The following MTCL1 variants were observed in gnomAD, a reference collection of about 807,000 sequenced individuals.
MTCL1 encodes the protein microtubule cross-linking factor 1.
MTCL1 carries 79 observed loss-of-function variants against 141.4 expected under a neutral mutation model. That is an observed-to-expected ratio of 0.56 (90% CI 0.47 to 0.67). The LOEUF is 0.67. Ranked by LOEUF, MTCL1 falls within the 30% of genes least tolerant of loss-of-function variation. The probability of loss-of-function intolerance (pLI) is 0.00; values close to 1 mark genes in which losing one functional copy is unlikely to be tolerated. For synonymous variants in MTCL1, 914 were observed against 875.8 expected (o/e 1.04, Z -0.77); for missense variants, 2,177 against 2,113.9 (o/e 1.03, Z -0.59).
chr18:8,830,716 C>T lies in MTCL1; in HGVS notation c.*19-891C>T. 2 of 985,482 alleles carry T rather than the reference C, an allele frequency of 2.0e-6. No individual in the cohort carries two copies. The highest frequency in any genetic ancestry group is 2.4e-6 in the Non-Finnish European group (2 of 829,940). The allele number at this position is 985,482 out of a possible 1,614,324, so 61.0% of individuals were successfully genotyped here. ...TCTGAGTGTCATTCCAGCCAGCGGG[C>T]TCCATGCTGGGCAACTCAGTTTTCT... On this transcript the variant is annotated intron_variant, in intron 16 of 16. Transcript: ENST00000359865. The surrounding 1 kb of genome is among the most constrained non-coding windows in gnomAD (Gnocchi z 6.4).
chr18:8,744,213 T>G (rs2148921747), intron 4 of MTCL1, among the ~76,000 whole-genome samples: 1 of 152,370 alleles, frequency 6.6e-6, no homozygotes, highest in Non-Finnish European at 1.5e-5. Context: ...TTTCCGCCGC[T>G]AGCTAGGTGC....
intron 4 of MTCL1, among the ~76,000 whole-genome samples, chr18:8,763,544 A>G (rs567266871): frequency 1.1e-4 from 17 of 152,310 alleles, no homozygotes; most frequent in African/African-American, 3.6e-4. Flanking sequence ...CTAAACCCAA[A>G]GCTCTTGTAT....
rs114016604 is a variant in MTCL1 at position 8,824,678 on chromosome 18, C to T, written c.3189-21C>T. On this transcript the variant is annotated intron_variant, in intron 14 of 16. Transcript: ENST00000359865. ...GAGGCTCCCTGGCAGGTACTGACAC[C>T]CTCTTTTCTGCTTTTCCCAGGGCGG... 1,730 of 1,587,764 alleles carry T rather than the reference C, an allele frequency of 1.1e-3. 11 individuals are homozygous for T. In the African/African-American group the frequency reaches 0.02, roughly 18 times the overall value.
chr18:8,782,867 G>A (rs534978155), intron 5 of MTCL1: 1 of 152,464 alleles, frequency 6.6e-6, no homozygotes, highest in African/African-American at 2.4e-5. Context: ...CATACCTCAT[G>A]TTTTTGTCAT....
chr18:8,747,542 CTG>C (rs1440004484), intron 4 of MTCL1, among the ~76,000 whole-genome samples: 1 of 152,204 alleles, frequency 6.6e-6, no homozygotes, highest in African/African-American at 2.4e-5. Context: ...GCTGCCTTCT[CTG>C]TGTGTGTGTC....
chr18:8,786,122 G>T, intron 7 of MTCL1, 31 bp downstream of exon 6: 8 of 484,720 alleles, frequency 1.7e-5, no homozygotes, highest in Admixed American at 4.8e-5. Flanking sequence ...CCCCCCCCCC[G>T]CCCTCCCCCT....
At chr18:8,812,672 G>A (rs1018976100) in intron 11 of MTCL1, among the ~76,000 whole-genome samples, 8 of 152,150 alleles carry the variant, frequency 5.3e-5, no homozygotes, top group South Asian at 2.1e-4. Context: ...ATATAGGGAC[G>A]GACATGGTAC....
intron 3 of MTCL1, 109 bp from the exon 3 acceptor site, chr18:8,720,229 A>C: frequency 1.0e-6 from 1 of 981,208 alleles, no homozygotes; most frequent in East Asian, 2.4e-5. Flanking sequence ...GGTCTTTGCT[A>C]TGTGGTGTAA....
Position 8,776,202 on chromosome 18 carries a change from A to G in MTCL1, c.358-1631A>G, listed in dbSNP as rs374541509. Among the ~76,000 whole-genome samples the G allele has an allele frequency of 3.5e-4, 53 of 152,312 alleles. No individual in the cohort carries two copies. The East Asian group carries it at 9.3e-3, about 27-fold the overall frequency. The stretch of plus-strand genomic sequence containing the variant: ...GGGGAGGGAGGTGGGCGTTGGGGAC[A>G]GTCTCTTTCCTTTCGCAGGCTTGCC... On this transcript the variant is annotated intron_variant, in intron 4 of 16. Coordinates refer to ENST00000359865, the Ensembl canonical transcript of MTCL1.
At chr18:8,818,230 CA>C (rs2076724677) in intron 12 of MTCL1, among the ~76,000 whole-genome samples, 1 of 152,226 alleles carries the variant, frequency 6.6e-6, no homozygotes, top group African/African-American at 2.4e-5. Flanking sequence ...CAGCAAGCCA[CA>C]CGTTAATGGT....
chr18:8,705,706 A>G lies in MTCL1; in HGVS notation c.46A>G (p.Lys16Glu). ...CGCGGGCGGAGGTGCCCCGGACGCGAAGCTGCAGCCGCCCGGCCAGCACCA... is the reference window on the plus strand; with the variant it reads ...CGCGGGCGGAGGTGCCCCGGACGCGGAGCTGCAGCCGCCCGGCCAGCACCA... Residue 16 changes from lysine (K) to glutamate (E), a missense_variant, in exon 1 of 14, where the codon AAG (lysine) becomes GAG (glutamate). Coordinates refer to the MTCL1 transcript ENST00000306329. This position sits in a 1 kb window ranked among gnomAD's most constrained non-coding sequence, Gnocchi z 5.2. The G allele has an allele frequency of 8.3e-7, 1 of 1,202,310 alleles. No homozygotes were observed. The highest frequency in any genetic ancestry group is 1.0e-6 in the Non-Finnish European group (1 of 968,540). 74.5% of individuals were successfully genotyped at this position (1,202,310 alleles called of 1,614,324 possible). A position where few individuals can be genotyped will look rare whatever the true frequency, so the allele number is the denominator to read the frequency against.
intron 16 of MTCL1, chr18:8,829,443 A>G (rs1457771307): frequency 1.0e-6 from 1 of 973,468 alleles, no homozygotes; most frequent in Admixed American, 6.2e-5. Context: ...ACCACAAGGA[A>G]TGAACCCAAA....
intron 4 of MTCL1, among the ~76,000 whole-genome samples, chr18:8,756,399 ATATATGTGTG>A (rs1196750038): frequency 1.5e-4 from 22 of 148,990 alleles, no homozygotes; most frequent in Non-Finnish European, 3.3e-4. Context: ...GTATATATGT[ATATATGTGTG>A]TATATGTGTA....
At chr18:8,768,180 G>T (rs1219573653) in intron 4 of MTCL1, among the ~76,000 whole-genome samples, 1 of 152,100 alleles carries the variant, frequency 6.6e-6, no homozygotes, top group Non-Finnish European at 1.5e-5. Context: ...TGTTAACATT[G>T]TACTATACTT....
intron 12 of MTCL1, among the ~76,000 whole-genome samples, chr18:8,814,143 A>G (rs1055871384): frequency 6.6e-6 from 1 of 152,218 alleles, no homozygotes; most frequent in Non-Finnish European, 1.5e-5. Flanking sequence ...ATCCATAGAC[A>G]TGGTGCCTGT....
At chr18:8,763,126 G>A (rs1055224569) in intron 4 of MTCL1, among the ~76,000 whole-genome samples, 2 of 152,202 alleles carry the variant, frequency 1.3e-5, no homozygotes, top group African/African-American at 2.4e-5. Context: ...CATGTCCCAT[G>A]TCTGTCTGGA....
At chr18:8,776,739 T>C in intron 4 of MTCL1, among the ~76,000 whole-genome samples, 1 of 108,542 alleles carries the variant, frequency 9.2e-6, no homozygotes, top group South Asian at 3.8e-4. Context: ...ATTTATTTAT[T>C]TATTTATTTA....
chr18:8,784,782 C>T, exon 6 of MTCL1: 1 of 1,613,380 alleles, frequency 6.2e-7, no homozygotes, highest in Non-Finnish European at 8.5e-7. Context: ...TCCACTGTGA[C>T]TTCCGTGTCC....
At chr18:8,756,461 ATGTGTATATG>A (rs567594599) in intron 4 of MTCL1, among the ~76,000 whole-genome samples, 2,248 of 140,102 alleles carry the variant, frequency 0.016, 87 homozygotes, top group East Asian at 0.12. Context: ...ATGTGTATAT[ATGTGTATATG>A]TGTGTATATG....
Sources: gnomAD v4.1 joint callset for allele counts (sites outside exome capture counted in the v4.1 genomes callset) on GRCh38, gnomAD v4.1.1 for gene constraint, Gnocchi (gnomAD v3.1) non-coding constraint, MANE v1.5 for transcripts, NCBI Gene and HGNC (gene_info 2026-07-23, HGNC 2026-07-21) for gene names.